The following C6orf89 variants were observed in gnomAD, a reference collection of about 807,000 sequenced individuals.
The protein encoded by C6orf89 is chromosome 6 open reading frame 89.
A neutral mutation model predicts 40.7 loss-of-function variants in C6orf89; 29 were observed. The observed-to-expected ratio is 0.71, with a 90% CI of 0.53 to 0.97. The LOEUF (loss-of-function observed/expected upper bound fraction) is 0.97. C6orf89 is among the 50% of genes least tolerant of loss of function. The pLI is 0.00. For synonymous variants in C6orf89, 165 were observed against 152.2 expected (o/e 1.08, Z -0.62); for missense variants, 392 against 429.1 (o/e 0.91, Z 0.76).
upstream of C6orf89, among the ~76,000 whole-genome samples, chr6:36,885,313 T>C (rs1774933715): frequency 6.6e-6 from 1 of 152,226 alleles, no homozygotes. Context: ...ACTGTTTCTG[T>C]ACCTTACTTC....
chr6:36,901,328 T>A (rs28866202), intron 3 of C6orf89, among the ~76,000 whole-genome samples: 16 of 43,542 alleles, frequency 3.7e-4, no homozygotes, highest in African/African-American at 1.2e-3. Flanking sequence ...ATTATTTTTT[T>A]TTTTTTTTTT....
intron 4 of C6orf89, among the ~76,000 whole-genome samples, chr6:36,909,254 CT>C (rs1031949797): frequency 3.4e-5 from 5 of 147,484 alleles, no homozygotes; most frequent in African/African-American, 1.2e-4. Context: ...TATAGATATA[CT>C]TTTTTTCTGT....
intron 1 of C6orf89, among the ~76,000 whole-genome samples, chr6:36,890,823 G>A (rs942381110): frequency 2.0e-5 from 3 of 152,104 alleles, no homozygotes; most frequent in African/African-American, 7.2e-5. Flanking sequence ...ACAAGTGTGA[G>A]CCACTGTGCC....
intron 4 of C6orf89, among the ~76,000 whole-genome samples, chr6:36,911,923 A>C (rs1253223038): frequency 2.9e-4 from 36 of 124,616 alleles, no homozygotes; most frequent in South Asian, 8.0e-4. Flanking sequence ...ACTTCTCATC[A>C]CAGTGAACCC....
chr6:36,891,129 T>A (rs978504155), intron 1 of C6orf89, among the ~76,000 whole-genome samples: 2 of 152,156 alleles, frequency 1.3e-5, no homozygotes, highest in Non-Finnish European at 2.9e-5. Flanking sequence ...TATCTCCTAA[T>A]GCTATCCCTC....
In C6orf89 at chr6:36,924,847, G is replaced by A. The variant is rs555109626; in HGVS notation, c.*1406G>A. ...GACAATGACGAGTGAAGATGGTTGT[G>A]AAGCCCTCTTCATTCCTGGAGGAGC... On this transcript the variant is annotated 3_prime_UTR_variant, in exon 9 of 9. Coordinates refer to ENST00000480824, the MANE Select transcript of C6orf89 (RefSeq NM_001286635.2). 2.6e-5 allele frequency: 4 copies of A among 152,294 alleles called. No individual in the cohort carries two copies. In the South Asian group the frequency reaches 8.3e-4, roughly 32 times the overall value. 9.4% of individuals were successfully genotyped at this position (152,294 alleles called of 1,614,324 possible).
rs150903642 is a variant in C6orf89 at position 36,900,797 on chromosome 6, C to T, written c.189+1164C>T. 6.8e-4 allele frequency among the ~76,000 whole-genome samples: 104 copies of T among 152,168 alleles called. 3 individuals carry two copies. The East Asian group carries it at 0.018, about 26-fold the overall frequency. On this transcript the variant is annotated intron_variant, in intron 3 of 8. Coordinates refer to ENST00000480824, the MANE Select transcript of C6orf89 (RefSeq NM_001286635.2). ...TTCGAGACTGCCCACCTCAGTCTCC[C>T]AAAGTGCTGGGGTTACAGGTGTGAG...
chr6:36,889,531 G>A (rs1316124248), intron 1 of C6orf89, among the ~76,000 whole-genome samples: 1 of 149,724 alleles, frequency 6.7e-6, no homozygotes, highest in Non-Finnish European at 1.5e-5. Flanking sequence ...GCTTAAAAAT[G>A]TGAAGACTTC....
chr6:36,874,614 G>T, intron 1 of C6orf89: 1 of 1,468,552 alleles, frequency 6.8e-7, no homozygotes, highest in Non-Finnish European at 9.5e-7. Context: ...GCCCCTCCAC[G>T]TGGAGGCCGG....
intron 1 of C6orf89, among the ~76,000 whole-genome samples, chr6:36,893,210 A>G (rs1341076149): frequency 1.3e-5 from 2 of 151,798 alleles, no homozygotes; most frequent in Non-Finnish European, 2.9e-5. Context: ...CTGGGATTAC[A>G]GGCGTGAGCC....
At chr6:36,903,552 T>C (rs1583175099) in intron 4 of C6orf89, among the ~76,000 whole-genome samples, 1 of 152,106 alleles carries the variant, frequency 6.6e-6, no homozygotes, top group South Asian at 2.1e-4. Context: ...CTCTGCCTCC[T>C]GGGTTCACGC....
At chr6:36,877,801 C>G (rs2150667210) in intron 1 of C6orf89, among the ~76,000 whole-genome samples, 1 of 152,288 alleles carries the variant, frequency 6.6e-6, no homozygotes, top group African/African-American at 2.4e-5. Context: ...AAGTTGAATT[C>G]TTTTTCCATA....
intron 4 of C6orf89, among the ~76,000 whole-genome samples, chr6:36,912,479 G>C (rs759717580): frequency 3.9e-5 from 6 of 152,122 alleles, no homozygotes; most frequent in Non-Finnish European, 5.9e-5. Context: ...ATTACCCAGA[G>C]CTTTTGCATA....
chr6:36,894,407 GTTAGT>G lies in C6orf89; in HGVS notation c.-119-93_-119-89del, dbSNP rs780915151. 2.5e-5 allele frequency: 8 copies of G among 314,402 alleles called. No individual in the cohort carries two copies. In the East Asian group the frequency reaches 6.9e-4, roughly 27 times the overall value. 19.5% of individuals were successfully genotyped at this position (314,402 alleles called of 1,614,324 possible). On this transcript the variant is annotated intron_variant, in intron 1 of 8. Coordinates refer to ENST00000480824, the MANE Select transcript of C6orf89 (RefSeq NM_001286635.2). ...CTACTTGCTTTCATAGAATGTCTTT[GTTAGT>G]TTAAACAGGAAAATGGCATCTCAGA...
intron 1 of C6orf89, 123 bp downstream of exon 1, chr6:36,886,151 G>C: frequency 1.1e-6 from 1 of 914,594 alleles, no homozygotes; most frequent in Non-Finnish European, 1.4e-6. Flanking sequence ...ATCCCAGCGC[G>C]GATCCCTTTT....
intron 2 of C6orf89, among the ~76,000 whole-genome samples, chr6:36,896,209 G>C (rs1761425150): frequency 6.6e-6 from 1 of 152,156 alleles, no homozygotes; most frequent in Admixed American, 6.5e-5. Context: ...CCAGATTCAA[G>C]TGATTCTTCT....
At chr6:36,877,506 T>C (rs2150666979) in intron 1 of C6orf89, among the ~76,000 whole-genome samples, 1 of 152,336 alleles carries the variant, frequency 6.6e-6, no homozygotes, top group East Asian at 1.9e-4. Context: ...AATTTTTGTA[T>C]TTTTAATAGA....
At position 36,926,613 on chromosome 6, in the gene C6orf89, A is replaced by G. The variant is rs1583213527; in HGVS notation, c.*3172A>G. ...AGGGAAAGGGAAGGGAGGGGAGGGGAGGAGAGGAGAGCAGATTGGGGGGGC... is the reference window on the plus strand; with the variant it reads ...AGGGAAAGGGAAGGGAGGGGAGGGGGGGAGAGGAGAGCAGATTGGGGGGGC... On this transcript the variant is annotated 3_prime_UTR_variant, in exon 9 of 9. Transcript: ENST00000480824. 1 of 135,324 alleles carries G rather than the reference A, an allele frequency of 7.4e-6. No individual in the cohort carries two copies. The highest frequency in any genetic ancestry group is 1.6e-5 in the Non-Finnish European group (1 of 63,272). 8.4% of individuals were successfully genotyped at this position (135,324 alleles called of 1,614,324 possible).
chr6:36,904,778 G>A (rs564159279), intron 4 of C6orf89, among the ~76,000 whole-genome samples: 45 of 152,270 alleles, frequency 3.0e-4, no homozygotes, highest in African/African-American at 1.0e-3. Flanking sequence ...AACCCCATAT[G>A]GTTTCCTGAA....
Sources: gnomAD v4.1 joint callset for allele counts (sites outside exome capture counted in the v4.1 genomes callset) on GRCh38, gnomAD v4.1.1 for gene constraint, MANE v1.5 for transcripts, NCBI Gene and HGNC (gene_info 2026-07-23, HGNC 2026-07-21) for gene names.